The following ZDHHC20 variants were observed in gnomAD, a reference collection of about 807,000 sequenced individuals.
ZDHHC20 encodes palmitoyltransferase ZDHHC20.
Under a neutral mutation model 57.8 loss-of-function variants are expected in ZDHHC20, and 43 were observed. The ratio of observed to expected loss-of-function variants is 0.74; its 90% CI spans 0.58 to 0.96. The LOEUF is 0.96. Among genes scored for constraint, ZDHHC20 ranks in the 40% least tolerant of loss-of-function variants. ZDHHC20 has a pLI of 0.00. For synonymous variants in ZDHHC20, 157 were observed against 153.0 expected (o/e 1.03, Z -0.19); for missense variants, 391 against 441.1 (o/e 0.89, Z 1.02).
chr13:21,406,197 C>T (rs1297254370), intron 4 of ZDHHC20, among the ~76,000 whole-genome samples: 1 of 152,226 alleles, frequency 6.6e-6, no homozygotes, highest in Non-Finnish European at 1.5e-5. Context: ...CTTACAGCAT[C>T]TAAGCAACTT....
chr13:21,436,476 G>A (rs1313733865), intron 1 of ZDHHC20, among the ~76,000 whole-genome samples: 1 of 152,166 alleles, frequency 6.6e-6, no homozygotes, highest in Non-Finnish European at 1.5e-5. Flanking sequence ...AATTCTCACA[G>A]TATTTCAACC....
rs559021955 is a variant in ZDHHC20 at position 21,396,410 on chromosome 13, A to T, written c.594+3963T>A. On this transcript the variant is annotated intron_variant, in intron 7 of 12. Coordinates refer to ENST00000400590, the MANE Select transcript of ZDHHC20 (RefSeq NM_001330059.2). ...ATAACAAAAGTGCCAGAGGAAAAAA[A>T]TAGGACAATATCTGTATAAATTTAT... Among the ~76,000 whole-genome samples, 3 of 152,358 alleles carry T rather than the reference A, an allele frequency of 2.0e-5. No homozygotes were observed. The East Asian group carries it at 5.8e-4, about 29-fold the overall frequency.
chr13:21,434,313 C>T (rs1473723247), intron 1 of ZDHHC20, among the ~76,000 whole-genome samples: 1 of 150,312 alleles, frequency 6.7e-6, no homozygotes, highest in Non-Finnish European at 1.5e-5. Flanking sequence ...ATATTGCTTA[C>T]CCAATAATCT....
intron 3 of ZDHHC20, among the ~76,000 whole-genome samples, chr13:21,417,793 T>C (rs542097573): frequency 1.3e-5 from 2 of 152,292 alleles, no homozygotes; most frequent in African/African-American, 4.8e-5. Context: ...TCTCCAAGCA[T>C]TGTTCTAACC....
Position 21,391,857 on chromosome 13 carries a change from G to A in ZDHHC20, c.595-3C>T. On this transcript the variant is annotated splice_polypyrimidine_tract_variant and splice_region_variant and intron_variant, in intron 7 of 12. Coordinates refer to ENST00000400590, the MANE Select transcript of ZDHHC20 (RefSeq NM_001330059.2). ...GCACGTGTATCTGTCAGTTCATTCTGAGGAAAAAAAGAAGTTAATTTTGAG... is the reference window on the plus strand; with the variant it reads ...GCACGTGTATCTGTCAGTTCATTCTAAGGAAAAAAAGAAGTTAATTTTGAG... 1 of 1,604,682 alleles carries A rather than the reference G, an allele frequency of 6.2e-7. No individual in the cohort carries two copies. Among genetic ancestry groups the A allele is most frequent in the Non-Finnish European group, 8.5e-7 (1 of 1,176,780 alleles).
intron 1 of ZDHHC20, among the ~76,000 whole-genome samples, chr13:21,458,674 G>T (rs969052866): frequency 7.9e-5 from 12 of 152,116 alleles, no homozygotes; most frequent in African/African-American, 7.2e-5. Flanking sequence ...TAAAAAAAAT[G>T]AACAAAAGCC....
chr13:21,425,591 G>T, intron 2 of ZDHHC20, 61 bp downstream of exon 2: 1 of 1,125,428 alleles, frequency 8.9e-7, no homozygotes, highest in Non-Finnish European at 1.2e-6. Context: ...TAAATAAAAA[G>T]TATGTTCCAA....
At chr13:21,457,761 CTG>C (rs1885044212) in intron 1 of ZDHHC20, among the ~76,000 whole-genome samples, 1 of 152,202 alleles carries the variant, frequency 6.6e-6, no homozygotes, top group Non-Finnish European at 1.5e-5. Context: ...TGGTTGAAAG[CTG>C]TACAAATCCA....
At chr13:21,397,613 A>C (rs1877007759) in intron 7 of ZDHHC20, among the ~76,000 whole-genome samples, 1 of 152,106 alleles carries the variant, frequency 6.6e-6, no homozygotes, top group African/African-American at 2.4e-5. Flanking sequence ...GTGAGCCGTG[A>C]TCGCACCACT....
At chr13:21,419,753 C>T (rs1179410227) in intron 3 of ZDHHC20, among the ~76,000 whole-genome samples, 2 of 152,132 alleles carry the variant, frequency 1.3e-5, no homozygotes, top group South Asian at 2.1e-4. Context: ...CAGGGGTTGA[C>T]GGGGTTCTGG....
At chr13:21,425,912 TTTA>T (rs1281104899) in intron 1 of ZDHHC20, among the ~76,000 whole-genome samples, 1 of 152,190 alleles carries the variant, frequency 6.6e-6, no homozygotes, top group Non-Finnish European at 1.5e-5. Context: ...TTTTCAGAAC[TTTA>T]TTAATTTTAA....
At chr13:21,458,278 T>C (rs946748197) in intron 1 of ZDHHC20, among the ~76,000 whole-genome samples, 2 of 152,194 alleles carry the variant, frequency 1.3e-5, no homozygotes. Context: ...ATGAGAATTT[T>C]GTGCTAAGAA....
chr13:21,440,253 G>GTA, intron 1 of ZDHHC20, among the ~76,000 whole-genome samples: 2 of 152,142 alleles, frequency 1.3e-5, no homozygotes, highest in South Asian at 4.2e-4. Context: ...TGTGGGTGAA[G>GTA]GTTATATGAC....
chr13:21,390,523 G>A (rs556570842), intron 8 of ZDHHC20, among the ~76,000 whole-genome samples: 2 of 152,224 alleles, frequency 1.3e-5, no homozygotes, highest in African/African-American at 4.8e-5. Flanking sequence ...GAAATAATGA[G>A]GCATGTCAAA....
At chr13:21,415,097 T>C (rs1566090537) in intron 3 of ZDHHC20, among the ~76,000 whole-genome samples, 1 of 152,202 alleles carries the variant, frequency 6.6e-6, no homozygotes, top group Non-Finnish European at 1.5e-5. Context: ...TCATTGCTAA[T>C]GGTATTAGCT....
intron 2 of ZDHHC20, 146 bp from the exon 3 acceptor site, chr13:21,421,310 T>C: frequency 1.5e-6 from 1 of 656,012 alleles, no homozygotes; most frequent in Non-Finnish European, 2.7e-6. Flanking sequence ...ATATAAACTT[T>C]ACTTGCATGA....
intron 2 of ZDHHC20, among the ~76,000 whole-genome samples, chr13:21,421,754 G>T (rs1384497002): frequency 6.6e-6 from 1 of 152,098 alleles, no homozygotes; most frequent in African/African-American, 2.4e-5. Context: ...TATTTCAAAA[G>T]ATTTTTGTTG....
At chr13:21,451,943 G>A (rs980495699) in intron 1 of ZDHHC20, among the ~76,000 whole-genome samples, 1 of 150,616 alleles carries the variant, frequency 6.6e-6, no homozygotes. Flanking sequence ...GCAATGAGCC[G>A]AGATCACACT....
intron 1 of ZDHHC20, among the ~76,000 whole-genome samples, chr13:21,457,334 C>A (rs1885007792): frequency 6.6e-6 from 1 of 152,194 alleles, no homozygotes; most frequent in East Asian, 1.9e-4. Flanking sequence ...AATCTTCTGA[C>A]AGAATAGGAA....
Sources: gnomAD v4.1 joint callset for allele counts (sites outside exome capture counted in the v4.1 genomes callset) on GRCh38, gnomAD v4.1.1 for gene constraint, MANE v1.5 for transcripts, NCBI Gene and HGNC (gene_info 2026-07-23, HGNC 2026-07-21) for gene names.